ZYG11B: variants seen among roughly 807,000 people sequenced by gnomAD.
ZYG11B encodes protein zyg-11 homolog B.
Under a neutral mutation model 82.4 loss-of-function variants are expected in ZYG11B, and 36 were observed. The ratio of observed to expected loss-of-function variants is 0.44; its 90% CI spans 0.33 to 0.58. The LOEUF is 0.58. ZYG11B is among the 20% of genes least tolerant of loss of function. ZYG11B has a pLI of 0.02. For missense variants in ZYG11B, 552 were observed against 895.6 expected (o/e 0.62, Z 4.90); for synonymous variants, 303 against 312.8 (o/e 0.97, Z 0.33).
intron 1 of ZYG11B, among the ~76,000 whole-genome samples, chr1:52,753,424 CTT>C (rs3082846): frequency 1.4e-4 from 19 of 137,218 alleles, no homozygotes; most frequent in East Asian, 2.2e-4. Flanking sequence ...TGTTGTTGTT[CTT>C]TTTTTTTTTT....
chr1:52,772,128 TTTTG>T, intron 3 of ZYG11B: 1 of 1,048,408 alleles, frequency 9.5e-7, no homozygotes, highest in Non-Finnish European at 1.5e-6. Context: ...TATATGGTTT[TTTTG>T]TTTTTGTTTT....
intron 1 of ZYG11B, among the ~76,000 whole-genome samples, chr1:52,749,961 G>A (rs146908557): frequency 1.3e-5 from 2 of 152,264 alleles, no homozygotes; most frequent in East Asian, 3.9e-4. Context: ...CATATTTGAG[G>A]TGCAATTCCC....
chr1:52,751,328 T>C (rs1264237681), intron 1 of ZYG11B, among the ~76,000 whole-genome samples: 6 of 97,874 alleles, frequency 6.1e-5, no homozygotes, highest in African/African-American at 3.1e-4. Flanking sequence ...TACTATGATA[T>C]AGTTAAAAAA....
At chr1:52,768,306 C>A (rs1442386157) in intron 2 of ZYG11B, among the ~76,000 whole-genome samples, 1 of 152,150 alleles carries the variant, frequency 6.6e-6, no homozygotes, top group Non-Finnish European at 1.5e-5. Context: ...AAACCAGGAA[C>A]TTTTCTGCGT....
At chr1:52,749,071 C>T (rs577487927) in intron 1 of ZYG11B, among the ~76,000 whole-genome samples, 19 of 151,722 alleles carry the variant, frequency 1.3e-4, no homozygotes, top group African/African-American at 4.6e-4. Flanking sequence ...AGTGTGGTGC[C>T]GCGTGCCTGT....
intron 7 of ZYG11B, 135 bp from the exon 8 acceptor site, chr1:52,796,599 C>A: frequency 1.1e-6 from 1 of 895,268 alleles, no homozygotes; most frequent in Non-Finnish European, 1.6e-6. Flanking sequence ...GCAGGCCTCC[C>A]AAAAACCGAT....
At chr1:52,779,822 A>T in intron 3 of ZYG11B, 31 bp from the exon 4 acceptor site, 1 of 1,610,128 alleles carries the variant, frequency 6.2e-7, no homozygotes, top group Non-Finnish European at 8.5e-7. Flanking sequence ...AAGAGAGAGA[A>T]TTCTAAAAGC....
intron 1 of ZYG11B, among the ~76,000 whole-genome samples, chr1:52,729,665 C>G (rs776213382): frequency 9.2e-5 from 14 of 152,168 alleles, no homozygotes; most frequent in Non-Finnish European, 1.8e-4. Flanking sequence ...CATGGCAAAG[C>G]CTCGTCTCTA....
intron 4 of ZYG11B, among the ~76,000 whole-genome samples, chr1:52,780,530 G>A (rs537719412): frequency 6.6e-5 from 10 of 152,150 alleles, no homozygotes; most frequent in African/African-American, 2.2e-4. Context: ...TAAAGACAAA[G>A]CAAATATTGA....
chr1:52,804,495 C>G lies in ZYG11B; in HGVS notation c.1695+2356C>G, dbSNP rs115581680. ...AGGTGTGCTGGTACATGCCTATAATCCTAGCTACTCAGGAGGCTGAGGCAT... is the reference window on the plus strand; with the variant it reads ...AGGTGTGCTGGTACATGCCTATAATGCTAGCTACTCAGGAGGCTGAGGCAT... On this transcript the variant is annotated intron_variant, in intron 10 of 13. Transcript: ENST00000294353. Among the ~76,000 whole-genome samples the G allele has an allele frequency of 7.0e-3, 1,060 of 152,118 alleles. 21 individuals carry two copies. The highest frequency in any genetic ancestry group is 0.025 in the African/African-American group (1,018 of 41,494).
At chr1:52,786,476 C>T (rs970880007) in intron 5 of ZYG11B, among the ~76,000 whole-genome samples, 6 of 152,102 alleles carry the variant, frequency 3.9e-5, no homozygotes, top group African/African-American at 9.7e-5. Flanking sequence ...AGGCCAGGCA[C>T]GGTGGCTCAC....
intron 2 of ZYG11B, among the ~76,000 whole-genome samples, chr1:52,766,072 G>A (rs748506268): frequency 1.7e-4 from 26 of 149,870 alleles, no homozygotes; most frequent in Non-Finnish European, 3.6e-4. Context: ...TTGCCTTGCT[G>A]AGTCTGTTTT....
At chr1:52,754,250 C>T (rs1170325204) in intron 1 of ZYG11B, 2 of 152,288 alleles carry the variant, frequency 1.3e-5, no homozygotes, top group Non-Finnish European at 2.9e-5. Context: ...GTCTTGAACT[C>T]CTGACCTCAG....
intron 6 of ZYG11B, among the ~76,000 whole-genome samples, chr1:52,795,634 G>T (rs1329602185): frequency 2.6e-5 from 4 of 152,018 alleles, no homozygotes; most frequent in African/African-American, 7.3e-5. Context: ...TGCCCATATG[G>T]TTCTTTCTTA....
intron 13 of ZYG11B, among the ~76,000 whole-genome samples, chr1:52,817,767 A>ATG: frequency 2.5e-5 from 1 of 40,480 alleles, no homozygotes; most frequent in Admixed American, 3.4e-4. Context: ...TAAAGTGTGT[A>ATG]TATATATGTG....
intron 2 of ZYG11B, among the ~76,000 whole-genome samples, chr1:52,759,138 G>A (rs1644605125): frequency 6.6e-6 from 1 of 152,004 alleles, no homozygotes; most frequent in Non-Finnish European, 1.5e-5. Flanking sequence ...CACCATGTTG[G>A]CCAGGTTGAT....
chr1:52,726,601 G>C lies in ZYG11B; in HGVS notation c.-53G>C. 1 of 1,393,146 alleles carries C rather than the reference G, an allele frequency of 7.2e-7. No homozygotes were observed. The allele number at this position is 1,393,146 out of a possible 1,614,324, so 86.3% of individuals were successfully genotyped here. The stretch of plus-strand genomic sequence containing the variant: ...CTCCTGGAGCCTCCGCGCCGGCTCA[G>C]CCTGGGGGCGGGCTCCGGTCCGGCC... On this transcript the variant is annotated 5_prime_UTR_variant, in exon 1 of 14. Transcript: ENST00000294353.
At chr1:52,757,123 T>C (rs1644585279) in intron 2 of ZYG11B, among the ~76,000 whole-genome samples, 1 of 151,858 alleles carries the variant, frequency 6.6e-6, no homozygotes, top group Admixed American at 6.6e-5. Context: ...CCTGGGCTCA[T>C]GTGATCCTCC....
At chr1:52,810,538 G>A (rs1490010008) in intron 10 of ZYG11B, among the ~76,000 whole-genome samples, 4 of 152,148 alleles carry the variant, frequency 2.6e-5, no homozygotes, top group Non-Finnish European at 5.9e-5. Flanking sequence ...CTACAGCCTG[G>A]AAACTTTAAA....
Sources: allele counts gnomAD v4.1 joint callset (sites outside exome capture counted in the v4.1 genomes callset), GRCh38; gene constraint gnomAD v4.1.1; transcripts MANE v1.5; gene names NCBI Gene and HGNC (gene_info 2026-07-23, HGNC 2026-07-21).